Variants in LRP2 observed in about 807,000 individuals in gnomAD.
The protein encoded by LRP2 is low-density lipoprotein receptor-related protein 2.
In LRP2, 172 loss-of-function variants were observed where a neutral mutation model predicts 531.0. The observed-to-expected ratio is 0.32, with a 90% CI of 0.29 to 0.37. The LOEUF is 0.37. Among genes scored for constraint, LRP2 ranks in the 10% least tolerant of loss-of-function variants. LRP2 has a pLI of 1.00. For synonymous variants in LRP2, 1,992 were observed against 2,027.6 expected (o/e 0.98, Z 0.47); for missense variants, 5,167 against 5,868.3 (o/e 0.88, Z 3.90).
At chr2:169,246,355 T>C (rs1262468042) in intron 21 of LRP2, among the ~76,000 whole-genome samples, 1 of 152,170 alleles carries the variant, frequency 6.6e-6, no homozygotes, top group Non-Finnish European at 1.5e-5. Context: ...AATCCTCCTG[T>C]CTCGGCCTCC....
intron 25 of LRP2, 58 bp from the exon 26 acceptor site, chr2:169,239,833 T>C: frequency 2.1e-6 from 3 of 1,437,700 alleles, no homozygotes; most frequent in South Asian, 2.3e-5. Context: ...GCTTCTTTGA[T>C]TCACTCTTAT....
chr2:169,310,562 T>C lies in LRP2; in HGVS notation c.311-3165A>G, dbSNP rs146791736. ...CCCAGGGATGAAACCAACTTGATCA[T>C]GGTGGATAAACTTTTTGATGTGCTG... is the stretch of plus-strand genomic sequence containing the variant. On this transcript the variant is annotated intron_variant, in intron 3 of 78. Transcript: ENST00000649046. Among the ~76,000 whole-genome samples, 9 of 152,332 alleles carry C rather than the reference T, an allele frequency of 5.9e-5. 1 individual carries two copies. In the East Asian group the frequency reaches 1.2e-3, roughly 20 times the overall value.
In LRP2 at chr2:169,225,305, A is replaced by G; in HGVS notation, c.5538+5T>C. On this transcript the variant is annotated splice_donor_5th_base_variant and intron_variant, in intron 33 of 78. Coordinates refer to ENST00000649046, the MANE Select transcript of LRP2 (RefSeq NM_004525.3). ...TTTGTGTAAGTAGTATTATGGAATC[A>G]TTACCTCGATTGACTGAGTTCTAGG... 6.2e-7 allele frequency: 1 copy of G among 1,613,578 alleles called. No individual in the cohort carries two copies. Among genetic ancestry groups the G allele is most frequent in the Non-Finnish European group, 8.5e-7 (1 of 1,179,582 alleles).
Position 169,292,289 on chromosome 2 carries a change from C to A in LRP2, c.733G>T (p.Asp245Tyr). The A allele has an allele frequency of 6.2e-7, 1 of 1,614,032 alleles. No individual in the cohort carries two copies. Among genetic ancestry groups the A allele is most frequent in the Non-Finnish European group, 8.5e-7 (1 of 1,179,856 alleles). The stretch of plus-strand genomic sequence containing the variant: ...TCATCTCCATTATCTTTACAGTCAT[C>A]TTCTCCATCACAAACCCAGTTTTGA... ...IYQNWVCDGE[D>Y]DCKDNGDEDG... is the part of the protein sequence containing the mutation. The change falls in exon 7 of 79, where the codon GAT (aspartate) becomes TAT (tyrosine). Residue 245 changes from aspartate (D) to tyrosine (Y), a missense_variant. Around this residue, in one of 6 missense-constraint regions of LRP2, gnomAD observed 2,811 missense variants for 3,058.0 expected, o/e 0.92. Coordinates refer to ENST00000649046, the MANE Select transcript of LRP2 (RefSeq NM_004525.3).
At chr2:169,142,041 G>A (rs1685739616) in intron 71 of LRP2, among the ~76,000 whole-genome samples, 1 of 152,206 alleles carries the variant, frequency 6.6e-6, no homozygotes, top group African/African-American at 2.4e-5. Context: ...GCCATAAAAT[G>A]GGCCGCTAGT....
In LRP2 at chr2:169,256,194, A is replaced by G. The variant is rs574534762; in HGVS notation, c.2682T>C (p.Ile894=). The G allele has an allele frequency of 2.6e-5, 42 of 1,612,918 alleles. 1 individual carries two copies. In the South Asian group the frequency reaches 4.3e-4, roughly 16 times the overall value. ...LYWVDAYFDK[I]EHSTFDGLDR... ...CTAAACCATCAAAGGTGCTGTGCTC[A>G]ATTTTATCAAAATAGGCATCTACCC... Residue 894 remains isoleucine (I), a synonymous_variant, in exon 19 of 79, where the codon ATT becomes ATC. Transcript: ENST00000649046.
At chr2:169,316,156 T>A (rs1436601679) in intron 3 of LRP2, among the ~76,000 whole-genome samples, 2 of 136,344 alleles carry the variant, frequency 1.5e-5, no homozygotes, top group African/African-American at 2.8e-5. Flanking sequence ...AAAAAAAAAA[T>A]CTGTCCTTGC....
At chr2:169,139,634 C>G in intron 72 of LRP2, 24 bp from the exon 73 acceptor site, 2 of 1,608,148 alleles carry the variant, frequency 1.2e-6, no homozygotes, top group Non-Finnish European at 1.7e-6. Flanking sequence ...GCAAATCATT[C>G]ACTAGCTGTT....
At position 169,220,549 on chromosome 2, in the gene LRP2, G is replaced by A. The variant is rs369998522; in HGVS notation, c.5553C>T (p.His1851=). The change falls in exon 34 of 79, where the codon CAC becomes CAT. Residue 1851 remains histidine (H), a synonymous_variant. Transcript: ENST00000649046. ...RTQSIEVLTL[H]GDIRYRKTLI... ...ATGTTTTTCTGTATCTGATATCTCC[G>A]TGGAGTGTCAAAACCTATAGCATAA... The A allele has an allele frequency of 1.1e-4, 177 of 1,611,026 alleles. No individual in the cohort carries two copies. In the Middle Eastern group the frequency reaches 2.0e-3, roughly 18 times the overall value.
Position 169,139,544 on chromosome 2 carries a change from T to A in LRP2, c.13266A>T (p.Thr4422=). 6.2e-7 allele frequency: 1 copy of A among 1,614,198 alleles called. No individual in the cohort carries two copies. The highest frequency in any genetic ancestry group is 1.1e-5 in the South Asian group (1 of 91,088). The change falls in exon 73 of 79, where the codon ACA becomes ACT. Residue 4422 remains threonine (T), a splice_region_variant and synonymous_variant. Transcript: ENST00000649046. ...MAFSKGISPG[T]TAVAVLLTIL... is the part of the protein sequence containing the mutation. ...GTTGCTCACATTCTTAAAACTTACT[T>A]GTTCCTGGAGAGATGCCTTTTGAAA...
intron 1 of LRP2, among the ~76,000 whole-genome samples, chr2:169,354,558 T>C (rs189551820): frequency 1.3e-5 from 2 of 152,352 alleles, no homozygotes; most frequent in African/African-American, 2.4e-5. Flanking sequence ...TCTGTCATTA[T>C]CTAGGAAAGA....
At chr2:169,236,787 T>C (rs1689621407) in intron 28 of LRP2, among the ~76,000 whole-genome samples, 2 of 152,216 alleles carry the variant, frequency 1.3e-5, no homozygotes, top group Admixed American at 6.5e-5. Flanking sequence ...GGCCCCTCTA[T>C]GGACTATTAC....
At chr2:169,273,291 CA>C (rs547569409) in intron 14 of LRP2, among the ~76,000 whole-genome samples, 4 of 149,452 alleles carry the variant, frequency 2.7e-5, no homozygotes, top group South Asian at 2.1e-4. Flanking sequence ...CAGACGGTGG[CA>C]AAAAAAAAGA....
rs1483364237 is a variant in LRP2, at chr2:169,307,363, G to A, written c.345C>T (p.Cys115=). The A allele has an allele frequency of 1.2e-6, 2 of 1,613,578 alleles. No homozygotes were observed. The change falls in exon 4 of 79, where the codon TGC becomes TGT. Residue 115 remains cysteine, a synonymous_variant. Transcript: ENST00000649046. ...QSTCSSHQIT[C]SNGQCIPSEY... ...CACTTGGGATACACTGACCATTGGA[G>A]CATGTTATCTGATGACTTGAGCATG...
chr2:169,215,061 C>T (rs1196038762), intron 35 of LRP2, among the ~76,000 whole-genome samples: 1 of 130,906 alleles, frequency 7.6e-6, no homozygotes, highest in African/African-American at 2.7e-5. Flanking sequence ...GTACAGAAAC[C>T]ATACCATGTA....
At chr2:169,208,547 C>A (rs971409243) in intron 38 of LRP2, among the ~76,000 whole-genome samples, 1 of 152,176 alleles carries the variant, frequency 6.6e-6, no homozygotes, top group Admixed American at 6.5e-5. Flanking sequence ...ACCTCCACCT[C>A]CCGGCTTCAA....
chr2:169,241,270 C>G lies in LRP2; in HGVS notation c.3763G>C (p.Asp1255His), dbSNP rs780602749. The change falls in exon 25 of 79, where the codon GAC becomes CAC. Residue 1255 changes from aspartate (D) to histidine (H), a missense_variant. Physicochemically the swap from Asp to His is moderately conservative, Grantham distance 81. Around this residue, in one of 6 missense-constraint regions of LRP2, gnomAD observed 2,811 missense variants for 3,058.0 expected, o/e 0.92. Transcript: ENST00000649046. ...TGCTCATCAGATCCATAGAGGCAGT[C>G]TGGATGCCCATCACATTCCCAGAAG... ...PNFWECDGHP[D>H]CLYGSDEHNA... is the part of the protein sequence containing the mutation. The G allele has an allele frequency of 7.4e-6, 12 of 1,614,074 alleles. No homozygotes were observed. In the Admixed American group the frequency reaches 1.5e-4, roughly 20 times the overall value.
At chr2:169,213,534 T>C (rs570165925) in intron 36 of LRP2, 123 bp downstream of exon 36, 4 of 854,402 alleles carry the variant, frequency 4.7e-6, no homozygotes, top group African/African-American at 3.3e-5. Context: ...ATATTTCAGG[T>C]AACTTCAATT....
rs1360047868 is a variant in LRP2 at position 169,202,742 on chromosome 2, A to G, written c.8209+14T>C. On this transcript the variant is annotated intron_variant, in intron 43 of 78. Transcript: ENST00000649046. ...CCATTAGCTCCTACCAAAAGCGCCA[A>G]GAGTCCAACTCACCACAGACACTTT... 6.2e-7 allele frequency: 1 copy of G among 1,613,914 alleles called. No homozygotes were observed. The highest frequency in any genetic ancestry group is 8.5e-7 in the Non-Finnish European group (1 of 1,179,876).
Sources: allele counts gnomAD v4.1 joint callset (sites outside exome capture counted in the v4.1 genomes callset), GRCh38; gene constraint gnomAD v4.1.1; regional missense constraint gnomAD v4.1.1; transcripts MANE v1.5; gene names NCBI Gene and HGNC (gene_info 2026-07-23, HGNC 2026-07-21).